The following LINGO1 variants were observed in gnomAD, a reference collection of about 807,000 sequenced individuals.
LINGO1 encodes leucine-rich repeat and immunoglobulin-like domain-containing nogo receptor-interacting protein 1.
In LINGO1, 11 loss-of-function variants were observed where a neutral mutation model predicts 37.3. The observed-to-expected ratio is 0.29, with a 90% confidence interval of 0.19 to 0.49. The LOEUF (loss-of-function observed/expected upper bound fraction) is 0.49, where lower values mean the gene tolerates loss of function less well. Ranked by LOEUF, LINGO1 falls within the 20% of genes least tolerant of loss-of-function variation. The pLI is 0.99. For missense variants in LINGO1, 585 were observed against 878.2 expected (o/e 0.67, Z 4.22); for synonymous variants, 387 against 403.0 (o/e 0.96, Z 0.48).
rs144156330 is a variant in LINGO1, at chr15:77,687,375, C to A, written c.-99+3345G>T. On this transcript the variant is annotated intron_variant, in intron 2 of 3. Coordinates refer to the LINGO1 transcript ENST00000559893. ...TAATGAGGGACATTTTCTGTCCCCC[C>A]CTGTGAAAAGCCCAGGACTCTCTAC... 5.0e-3 allele frequency among the ~76,000 whole-genome samples: 762 copies of A among 152,320 alleles called. 6 individuals carry two copies. Among genetic ancestry groups the A allele is most frequent in the African/African-American group, 0.017 (692 of 41,578 alleles).
intron 3 of LINGO1, among the ~76,000 whole-genome samples, chr15:77,642,216 G>T (rs2074523909): frequency 6.6e-6 from 1 of 152,210 alleles, no homozygotes; most frequent in South Asian, 2.1e-4. Flanking sequence ...GTCCAGGACA[G>T]CAGTGGGAGG....
At chr15:77,621,034 C>T (rs1432844221) in intron 1 of LINGO1, among the ~76,000 whole-genome samples, 1 of 151,668 alleles carries the variant, frequency 6.6e-6, no homozygotes, top group Non-Finnish European at 1.5e-5. Context: ...TTGGACAGTC[C>T]CTGCTATGGG....
chr15:77,673,943 T>A (rs1371113388), intron 3 of LINGO1, among the ~76,000 whole-genome samples: 2 of 128,680 alleles, frequency 1.6e-5, no homozygotes, highest in Non-Finnish European at 3.3e-5. Context: ...AAATTCTTAA[T>A]TTTTTTTTAG....
upstream of LINGO1, chr15:77,788,244 GC>G (rs1567585022): frequency 6.6e-6 from 1 of 152,224 alleles, no homozygotes; most frequent in African/African-American, 2.4e-5. Context: ...TTCAGTGATT[GC>G]CCCCTATAAC....
chr15:77,810,346 G>GCACA (rs138640024), intron 1 of LINGO1, among the ~76,000 whole-genome samples: 37 of 148,978 alleles, frequency 2.5e-4, no homozygotes, highest in Middle Eastern at 3.4e-3. Context: ...ACACACACAT[G>GCACA]CACACACACA....
intron 2 of LINGO1, among the ~76,000 whole-genome samples, chr15:77,715,703 C>A (rs1402932454): frequency 6.6e-6 from 1 of 152,224 alleles, no homozygotes; most frequent in African/African-American, 2.4e-5. Context: ...GGGCCTGTAT[C>A]ATTTCCTACT....
intron 1 of LINGO1, among the ~76,000 whole-genome samples, chr15:77,623,613 G>A (rs866050936): frequency 1.3e-5 from 2 of 152,200 alleles, no homozygotes; most frequent in African/African-American, 2.4e-5. Context: ...GGCGGACTGC[G>A]CGGCTGGGGG....
chr15:77,630,018 G>A (rs2074206265), intron 1 of LINGO1, among the ~76,000 whole-genome samples: 1 of 152,080 alleles, frequency 6.6e-6, no homozygotes, highest in African/African-American at 2.4e-5. Context: ...TGGAGGAACT[G>A]GTGGAAACAG....
rs927200025 is a variant in LINGO1 at position 77,632,772 on chromosome 15, G to A, written c.-457C>T. Among the ~76,000 whole-genome samples the A allele has an allele frequency of 2.7e-5, 4 of 146,234 alleles. No homozygotes were observed. Among genetic ancestry groups the A allele is most frequent in the Non-Finnish European group, 4.6e-5 (3 of 65,830 alleles). Reference sequence around the variant, plus strand: ...GGAGAGGGGCCGGAGCGGCGCGGGTGGGGACTCCGCGCCCTCCGGGGCCGG... The same window carrying A: ...GGAGAGGGGCCGGAGCGGCGCGGGTAGGGACTCCGCGCCCTCCGGGGCCGG... On this transcript the variant is annotated 5_prime_UTR_variant, in exon 1 of 2. Coordinates refer to ENST00000355300, the MANE Select transcript of LINGO1 (RefSeq NM_032808.7). This position sits in a 1 kb window ranked among gnomAD's most constrained non-coding sequence, Gnocchi z 6.0.
At chr15:77,765,812 C>T (rs971768677) in intron 1 of LINGO1, among the ~76,000 whole-genome samples, 2 of 152,322 alleles carry the variant, frequency 1.3e-5, no homozygotes, top group African/African-American at 2.4e-5. Context: ...GAGATGCTGC[C>T]ATTGGGGCTT....
At position 77,753,743 on chromosome 15, in the gene LINGO1, C is replaced by T. The variant is rs532550462; in HGVS notation, c.-256-18690G>A. Reference sequence around the variant, plus strand: ...GAGGGAGGAGAGGGCTGGAGGCACACACACACCAAGTGTGCACACACAAAC... The same window carrying T: ...GAGGGAGGAGAGGGCTGGAGGCACATACACACCAAGTGTGCACACACAAAC... On this transcript the variant is annotated intron_variant, in intron 1 of 3. Transcript: ENST00000561686. 6.6e-5 allele frequency among the ~76,000 whole-genome samples: 10 copies of T among 152,324 alleles called. No homozygotes were observed. The South Asian group carries it at 1.7e-3, about 25-fold the overall frequency.
chr15:77,723,454 G>A (rs951187014), intron 2 of LINGO1, among the ~76,000 whole-genome samples: 4 of 152,328 alleles, frequency 2.6e-5, no homozygotes, highest in Non-Finnish European at 5.9e-5. Flanking sequence ...CGACAACCGA[G>A]GCTGACGTCT....
At chr15:77,624,142 T>C (rs1381111074) in intron 1 of LINGO1, among the ~76,000 whole-genome samples, 2 of 141,316 alleles carry the variant, frequency 1.4e-5, no homozygotes, top group Non-Finnish European at 3.0e-5. Flanking sequence ...GGCCTGTGTG[T>C]GTGATGTGTG....
At chr15:77,749,306 T>C (rs867880383) in intron 1 of LINGO1, among the ~76,000 whole-genome samples, 2 of 152,134 alleles carry the variant, frequency 1.3e-5, no homozygotes, top group African/African-American at 4.8e-5. Flanking sequence ...GCCTTCAGCC[T>C]GGCCACAGGA....
At chr15:77,742,813 C>T (rs575332715) in intron 1 of LINGO1, among the ~76,000 whole-genome samples, 1 of 152,270 alleles carries the variant, frequency 6.6e-6, no homozygotes, top group South Asian at 2.1e-4. Context: ...AGAGAGCCTG[C>T]CAAAACAGCT....
chr15:77,782,244 CA>C (rs2076726596), intron 1 of LINGO1, among the ~76,000 whole-genome samples: 1 of 149,586 alleles, frequency 6.7e-6, no homozygotes, highest in Admixed American at 6.6e-5. Context: ...CACACACACA[CA>C]CGTGCCCGCA....
intron 2 of LINGO1, among the ~76,000 whole-genome samples, chr15:77,708,558 A>C (rs540877964): frequency 6.6e-6 from 1 of 152,316 alleles, no homozygotes; most frequent in East Asian, 1.9e-4. Context: ...AGTTACAAGG[A>C]GGTCATACTG....
At chr15:77,679,417 T>C (rs2075378247) in intron 2 of LINGO1, among the ~76,000 whole-genome samples, 1 of 152,202 alleles carries the variant, frequency 6.6e-6, no homozygotes, top group Non-Finnish European at 1.5e-5. Flanking sequence ...TGGATAATGA[T>C]GATGACGATG....
At chr15:77,734,798 TC>T (rs1292560093) in intron 2 of LINGO1, among the ~76,000 whole-genome samples, 1 of 151,918 alleles carries the variant, frequency 6.6e-6, no homozygotes, top group Non-Finnish European at 1.5e-5. Flanking sequence ...TAAAAGCTGA[TC>T]CCCAAACCTT....
Sources: allele counts gnomAD v4.1 joint callset (sites outside exome capture counted in the v4.1 genomes callset), GRCh38; gene constraint gnomAD v4.1.1; non-coding constraint Gnocchi (gnomAD v3.1); transcripts MANE v1.5; gene names NCBI Gene and HGNC (gene_info 2026-07-23, HGNC 2026-07-21).